Variants in ABCC3 observed in about 807,000 individuals in gnomAD.
ABCC3 encodes ATP binding cassette subfamily C member 3, also known as ATP-binding cassette sub-family C member 3.
A neutral mutation model predicts 165.3 loss-of-function variants in ABCC3; 121 were observed. The observed-to-expected ratio is 0.73, with a 90% CI of 0.63 to 0.85. The LOEUF is 0.85. Among genes scored for constraint, ABCC3 ranks in the 40% least tolerant of loss-of-function variants. ABCC3 has a pLI of 0.00. For missense variants in ABCC3, 1,869 were observed against 1,964.1 expected (o/e 0.95, Z 0.92); for synonymous variants, 733 against 810.1 (o/e 0.90, Z 1.62).
chr17:50,652,977 T>A (rs907818822), intron 1 of ABCC3, among the ~76,000 whole-genome samples: 2 of 152,206 alleles, frequency 1.3e-5, no homozygotes, highest in African/African-American at 4.8e-5. Flanking sequence ...CAGGTACCCT[T>A]ACTTGGTCAC....
At chr17:50,682,912 A>C (rs1331417813) in intron 26 of ABCC3, among the ~76,000 whole-genome samples, 1 of 152,122 alleles carries the variant, frequency 6.6e-6, no homozygotes, top group African/African-American at 2.4e-5. Context: ...CACTTCAAGG[A>C]ATATAAGGTG....
chr17:50,645,857 C>G (rs1288986362), intron 1 of ABCC3, among the ~76,000 whole-genome samples: 1 of 152,196 alleles, frequency 6.6e-6, no homozygotes, highest in Non-Finnish European at 1.5e-5. Context: ...GCCTTGGCCT[C>G]TCAAAGCACT....
intron 26 of ABCC3, among the ~76,000 whole-genome samples, chr17:50,680,633 G>A (rs1053352541): frequency 1.3e-5 from 2 of 151,850 alleles, no homozygotes; most frequent in African/African-American, 4.8e-5. Context: ...CTCCCTCCCC[G>A]GCCAGCCTAG....
chr17:50,672,901 A>T, intron 17 of ABCC3, 70 bp from the exon 18 acceptor site: 1 of 1,445,902 alleles, frequency 6.9e-7, no homozygotes, highest in East Asian at 2.3e-5. Context: ...CATCCCAAAT[A>T]ACAGTGGACA....
At chr17:50,664,702 CAAAAAAAAAAAAA>C (rs58513664) in intron 10 of ABCC3, 1 of 47,556 alleles carries the variant, frequency 2.1e-5, no homozygotes, top group Non-Finnish European at 4.3e-5. Context: ...GACTCTGTCT[CAAAAAAAAAAAAA>C]AAAAAAAAAA....
intron 26 of ABCC3, among the ~76,000 whole-genome samples, chr17:50,682,680 C>T (rs1967949044): frequency 6.6e-6 from 1 of 152,190 alleles, no homozygotes; most frequent in Non-Finnish European, 1.5e-5. Flanking sequence ...AAAGCAGCAA[C>T]ACTAAGCACT....
At chr17:50,655,648 T>C (rs1283341074) in intron 1 of ABCC3, among the ~76,000 whole-genome samples, 184 bp from the exon 2 acceptor site, 1 of 152,120 alleles carries the variant, frequency 6.6e-6, no homozygotes, top group Non-Finnish European at 1.5e-5. Context: ...GGGGCAGCCA[T>C]GGCGTCCTTG....
intron 24 of ABCC3, 30 bp downstream of exon 24, chr17:50,677,973 C>T: frequency 6.2e-7 from 1 of 1,614,068 alleles, no homozygotes; most frequent in Non-Finnish European, 8.5e-7. Flanking sequence ...GCTCCCTGCT[C>T]CTCCAGGAAT....
chr17:50,667,841 AC>A lies in ABCC3; in HGVS notation c.1636-21del, dbSNP rs4148414. The A allele has an allele frequency of 4.8e-4, 781 of 1,613,726 alleles. 19 individuals are homozygous for A. The East Asian group carries it at 0.017, about 36-fold the overall frequency. Reference sequence around the variant, plus strand: ...CCAGGGCTCATTGGACTCTACCCTGACACCACCTCCACGCTGCTCAGGTGAC... The same window carrying A: ...CCAGGGCTCATTGGACTCTACCCTGAACCACCTCCACGCTGCTCAGGTGAC... On this transcript the variant is annotated intron_variant, in intron 12 of 30. Transcript: ENST00000285238.
intron 1 of ABCC3, among the ~76,000 whole-genome samples, chr17:50,652,648 C>T (rs1967133877): frequency 6.6e-6 from 1 of 152,202 alleles, no homozygotes; most frequent in Non-Finnish European, 1.5e-5. Flanking sequence ...CAAAAATACA[C>T]ATGTTCCTCA....
chr17:50,688,873 A>G (rs1334194473), intron 30 of ABCC3, among the ~76,000 whole-genome samples: 1 of 150,720 alleles, frequency 6.6e-6, no homozygotes, highest in Non-Finnish European at 1.5e-5. Flanking sequence ...AGGACACTCC[A>G]GTCTGAGTGA....
At chr17:50,664,702 CAAAAA>C (rs58513664) in intron 10 of ABCC3, 50 of 47,920 alleles carry the variant, frequency 1.0e-3, no homozygotes, top group South Asian at 2.5e-3. Flanking sequence ...GACTCTGTCT[CAAAAA>C]AAAAAAAAAA....
chr17:50,664,190 G>A, intron 10 of ABCC3, 79 bp downstream of exon 10: 2 of 1,562,838 alleles, frequency 1.3e-6, no homozygotes, highest in Non-Finnish European at 1.7e-6. Context: ...TCTGGAACTG[G>A]GAGCATGGCA....
At chr17:50,641,714 C>T (rs935838438) in intron 1 of ABCC3, among the ~76,000 whole-genome samples, 3 of 152,160 alleles carry the variant, frequency 2.0e-5, no homozygotes, top group Admixed American at 6.5e-5. Context: ...AATCTGTCTT[C>T]GTGGAGCATA....
chr17:50,650,840 A>T (rs1967100376), intron 1 of ABCC3, among the ~76,000 whole-genome samples: 1 of 152,000 alleles, frequency 6.6e-6, no homozygotes, highest in African/African-American at 2.4e-5. Context: ...CGAGGTAGGC[A>T]GATCACTTGA....
intron 1 of ABCC3, among the ~76,000 whole-genome samples, chr17:50,648,333 GGAA>G (rs1967044246): frequency 6.6e-6 from 1 of 152,148 alleles, no homozygotes; most frequent in Non-Finnish European, 1.5e-5. Flanking sequence ...GGAGGCAAGG[GGAA>G]GAGCAGGGCT....
chr17:50,645,546 G>A (rs941496143), intron 1 of ABCC3, among the ~76,000 whole-genome samples: 7 of 152,116 alleles, frequency 4.6e-5, no homozygotes, highest in Non-Finnish European at 1.5e-5. Flanking sequence ...AAGTTTAAAG[G>A]GATGGTATAC....
intron 1 of ABCC3, among the ~76,000 whole-genome samples, chr17:50,648,020 C>A (rs1287660584): frequency 6.6e-6 from 1 of 151,298 alleles, no homozygotes; most frequent in Non-Finnish European, 1.5e-5. Context: ...GCCTGGGAGA[C>A]AGAGCAAGAC....
At chr17:50,655,726 CA>C (rs763280136) in intron 1 of ABCC3, 105 bp from the exon 2 acceptor site, 10 of 1,038,030 alleles carry the variant, frequency 9.6e-6, no homozygotes, top group African/African-American at 1.6e-5. Context: ...TCTTCCACTC[CA>C]CCCCTGTCTC....
Sources: gnomAD v4.1 joint callset for allele counts (sites outside exome capture counted in the v4.1 genomes callset) on GRCh38, gnomAD v4.1.1 for gene constraint, MANE v1.5 for transcripts, NCBI Gene and HGNC (gene_info 2026-07-23, HGNC 2026-07-21) for gene names.